Variants in PCDHGA7 observed in about 807,000 individuals in gnomAD.
The protein encoded by PCDHGA7 is protocadherin gamma-A7.
Under a neutral mutation model 58.3 loss-of-function variants are expected in PCDHGA7, and 44 were observed. That is an observed-to-expected ratio of 0.75 (90% confidence interval 0.59 to 0.97). The LOEUF (loss-of-function observed/expected upper bound fraction) is 0.97. PCDHGA7 is among the 50% of genes least tolerant of loss of function. The probability of loss-of-function intolerance (pLI) is 0.00; values close to 1 mark genes in which losing one functional copy is unlikely to be tolerated. For missense variants in PCDHGA7, 1,266 were observed against 1,188.7 expected, an observed-to-expected ratio of 1.06 and a Z score of -0.96; for synonymous variants, 516 against 504.2, an observed-to-expected ratio of 1.02 and a Z score of -0.31.
chr5:141,400,050 T>C (rs2093950243), intron 1 of PCDHGA7: 2 of 1,613,616 alleles, frequency 1.2e-6, no homozygotes, highest in Non-Finnish European at 1.7e-6. Flanking sequence ...TGCTGGTTGC[T>C]GTGCGTGATG....
chr5:141,509,819 C>T (rs1008625658), intron 3 of PCDHGA7, among the ~76,000 whole-genome samples: 3 of 152,154 alleles, frequency 2.0e-5, no homozygotes, highest in African/African-American at 7.2e-5. Context: ...AGCTCTTCTC[C>T]ATCTTCTCTC....
Position 141,432,292 on chromosome 5 carries a change from T to C in PCDHGA7, c.2424+46969T>C, listed in dbSNP as rs1339412798. 2 of 1,614,078 alleles carry C rather than the reference T, an allele frequency of 1.2e-6. No individual in the cohort carries two copies. The highest frequency in any genetic ancestry group is 2.2e-5 in the East Asian group (1 of 44,888). On this transcript the variant is annotated intron_variant, in intron 1 of 3. Coordinates refer to ENST00000518325, the MANE Select transcript of PCDHGA7 (RefSeq NM_018920.4). The surrounding 1 kb of genome is among the most constrained non-coding windows in gnomAD (Gnocchi z 6.0). ...CCTACGTGTCCATCAACTCCGACAC[T>C]GGGGTACTGTATGCGCTGAGCTCCT...
chr5:141,404,897 C>T, intron 1 of PCDHGA7: 2 of 1,613,920 alleles, frequency 1.2e-6, no homozygotes, highest in Non-Finnish European at 1.7e-6. Flanking sequence ...TGTACAGGAC[C>T]ATGGCCAGCC....
chr5:141,404,725 G>A (rs1381392805), intron 1 of PCDHGA7: 1 of 1,613,980 alleles, frequency 6.2e-7, no homozygotes, highest in Non-Finnish European at 8.5e-7. Context: ...TGACCAAGGT[G>A]GTGGCAGTGG....
intron 1 of PCDHGA7, chr5:141,408,447 G>A (rs536531313): frequency 3.1e-6 from 5 of 1,614,064 alleles, no homozygotes; most frequent in Admixed American, 1.7e-5. Context: ...GCGGAGAGCG[G>A]GGACTTACTT....
Position 141,431,996 on chromosome 5 carries a change from G to A in PCDHGA7, c.2424+46673G>A, listed in dbSNP as rs766891220. ...AGTCACAGACATAGTCTTGGATAGGGAACAGGTTCCTAGCTACAACATCAC... is the reference window on the plus strand; with the variant it reads ...AGTCACAGACATAGTCTTGGATAGGAAACAGGTTCCTAGCTACAACATCAC... On this transcript the variant is annotated intron_variant, in intron 1 of 3. Transcript: ENST00000518325. The surrounding 1 kb of genome is among the most constrained non-coding windows in gnomAD (Gnocchi z 4.8). 1.9e-6 allele frequency: 3 copies of A among 1,614,192 alleles called. No homozygotes were observed. In the East Asian group the frequency reaches 6.7e-5, roughly 36 times the overall value.
intron 1 of PCDHGA7, chr5:141,479,198 GA>G (rs1288699377): frequency 6.6e-6 from 1 of 152,304 alleles, no homozygotes; most frequent in African/African-American, 2.4e-5. Context: ...AGAAAATACA[GA>G]AAAGTATTTA....
At chr5:141,433,848 A>AAC (rs1403081382) in intron 1 of PCDHGA7, among the ~76,000 whole-genome samples, 1 of 151,964 alleles carries the variant, frequency 6.6e-6, no homozygotes, top group South Asian at 2.1e-4. Context: ...AAAAAAAAAA[A>AAC]AAAAAAACTT....
rs1373678836 is a variant in PCDHGA7, at chr5:141,477,459, C to T, written c.2425-17348C>T. 6.2e-7 allele frequency: 1 copy of T among 1,614,186 alleles called. No homozygotes were observed. The highest frequency in any genetic ancestry group is 8.5e-7 in the Non-Finnish European group (1 of 1,180,034). On this transcript the variant is annotated intron_variant, in intron 1 of 3. Coordinates refer to ENST00000518325, the MANE Select transcript of PCDHGA7 (RefSeq NM_018920.4). This position sits in a 1 kb window ranked among gnomAD's most constrained non-coding sequence, Gnocchi z 4.9. ...CTTACAATAGTGCGTGTTCAAGTGTCCGACATCAATGACAACCCTCCACAA... is the reference window on the plus strand; with the variant it reads ...CTTACAATAGTGCGTGTTCAAGTGTTCGACATCAATGACAACCCTCCACAA...
chr5:141,478,124 T>C (rs776469996), intron 1 of PCDHGA7: 1 of 1,613,978 alleles, frequency 6.2e-7, no homozygotes, highest in South Asian at 1.1e-5. Flanking sequence ...AACCGAGGAC[T>C]CTCCTGAAGC....
intron 1 of PCDHGA7, chr5:141,441,973 C>T (rs1457832429): frequency 6.7e-6 from 2 of 296,542 alleles, no homozygotes; most frequent in Admixed American, 4.4e-5. Context: ...GCTCTTCAGC[C>T]TGGAATGCGC....
intron 1 of PCDHGA7, chr5:141,407,909 G>T: frequency 4.7e-6 from 2 of 425,700 alleles, no homozygotes; most frequent in Non-Finnish European, 8.3e-6. Context: ...TGAAAAACCG[G>T]GCTGCTGTCC....
rs1230384508 is a variant in PCDHGA7 at position 141,490,990 on chromosome 5, C to T, written c.2425-3817C>T. On this transcript the variant is annotated intron_variant, in intron 1 of 3. Coordinates refer to ENST00000518325, the MANE Select transcript of PCDHGA7 (RefSeq NM_018920.4). The surrounding 1 kb of genome is among the most constrained non-coding windows in gnomAD (Gnocchi z 5.4). ...CCCCCAGCGTCTCCCTCGCTCTGCT[C>T]CTCCTGGCTCCTTGGTCACCAAGGT... 6 of 1,614,102 alleles carry T rather than the reference C, an allele frequency of 3.7e-6. No homozygotes were observed. The highest frequency in any genetic ancestry group is 1.3e-5 in the African/African-American group (1 of 75,064).
chr5:141,415,982 T>A lies in PCDHGA7; in HGVS notation c.2424+30659T>A, dbSNP rs531852883. The A allele has an allele frequency of 1.9e-4, 66 of 342,492 alleles. 1 individual carries two copies. Among genetic ancestry groups the A allele is most frequent in the African/African-American group, 1.3e-3 (59 of 46,668 alleles). 21.2% of individuals were successfully genotyped at this position (342,492 alleles called of 1,614,324 possible). A position where few individuals can be genotyped will look rare whatever the true frequency, so the allele number is the denominator to read the frequency against. ...AACTCCAGCCCCTTAAGCAACCCTC[T>A]TGTTCTGAAGGCAGGTCTGGTAAGA... On this transcript the variant is annotated intron_variant, in intron 1 of 3. Transcript: ENST00000518325.
Position 141,431,364 on chromosome 5 carries a change from G to T in PCDHGA7, c.2424+46041G>T, listed in dbSNP as rs773688069. 3 of 1,613,892 alleles carry T rather than the reference G, an allele frequency of 1.9e-6. No individual in the cohort carries two copies. The East Asian group carries it at 6.7e-5, about 36-fold the overall frequency. ...TTGGTGCTGAAACGCGCCCTGGACC[G>T]CGAAGAAAAGGCTGCTCACCACCTG... On this transcript the variant is annotated intron_variant, in intron 1 of 3. Coordinates refer to ENST00000518325, the MANE Select transcript of PCDHGA7 (RefSeq NM_018920.4). The surrounding 1 kb of genome is among the most constrained non-coding windows in gnomAD (Gnocchi z 4.8).
At chr5:141,471,046 CTT>C (rs1170588345) in intron 1 of PCDHGA7, among the ~76,000 whole-genome samples, 2,578 of 113,210 alleles carry the variant, frequency 0.023, 53 homozygotes, top group East Asian at 0.11. Context: ...CCCAAGCCCT[CTT>C]TTTTTTTTTT....
At chr5:141,427,515 G>A (rs753526003) in intron 1 of PCDHGA7, 16 of 596,944 alleles carry the variant, frequency 2.7e-5, no homozygotes, top group African/African-American at 2.2e-4. Context: ...CCTGGATTGG[G>A]AGCGGATCCC....
At position 141,408,734 on chromosome 5, in the gene PCDHGA7, T is replaced by C. The variant is rs376769558; in HGVS notation, c.2424+23411T>C. 1.5e-4 allele frequency: 244 copies of C among 1,610,058 alleles called. No homozygotes were observed. The highest frequency in any genetic ancestry group is 1.9e-4 in the Non-Finnish European group (226 of 1,177,812). On this transcript the variant is annotated intron_variant, in intron 1 of 3. Transcript: ENST00000518325. ...TTATAAGATAAACTCTAATCCTTAT[T>C]TTTCATTAATGGTTAGAGTTAATTC...
intron 1 of PCDHGA7, chr5:141,394,258 A>T: frequency 6.2e-7 from 1 of 1,613,912 alleles, no homozygotes; most frequent in Non-Finnish European, 8.5e-7. Context: ...CCCGACAGCC[A>T]GGAGAATGCC....
Sources: allele counts gnomAD v4.1 joint callset (sites outside exome capture counted in the v4.1 genomes callset), GRCh38; gene constraint gnomAD v4.1.1; non-coding constraint Gnocchi (gnomAD v3.1); transcripts MANE v1.5; gene names NCBI Gene and HGNC (gene_info 2026-07-23, HGNC 2026-07-21).